Variants in LARP1B observed in about 807,000 individuals in gnomAD.
LARP1B encodes the protein la-related protein 1B.
LARP1B carries 76 observed loss-of-function variants against 114.2 expected under a neutral mutation model. The ratio of observed to expected loss-of-function variants is 0.67; its 90% CI spans 0.55 to 0.81. The LOEUF is 0.81. Among genes scored for constraint, LARP1B ranks in the 30% least tolerant of loss-of-function variants. The pLI is 0.00. For missense variants in LARP1B, 1,014 were observed against 1,075.8 expected, an observed-to-expected ratio of 0.94 and a Z score of 0.80; for synonymous variants, 345 against 348.0, an observed-to-expected ratio of 0.99 and a Z score of 0.10.
intron 11 of LARP1B, 85 bp from the exon 12 acceptor site, chr4:128,162,109 C>A (rs936974473): frequency 3.1e-6 from 4 of 1,286,610 alleles, no homozygotes; most frequent in Non-Finnish European, 3.3e-6. Context: ...TTTAGAAGTT[C>A]ATTTTTTTGA....
intron 1 of LARP1B, among the ~76,000 whole-genome samples, chr4:128,062,473 G>C (rs1760575899): frequency 6.6e-6 from 1 of 152,182 alleles, no homozygotes; most frequent in African/African-American, 2.4e-5. Context: ...GGAGGTGGTA[G>C]CTTGGCGGCG....
chr4:128,120,493 G>C (rs566338515), intron 10 of LARP1B, among the ~76,000 whole-genome samples: 1 of 148,986 alleles, frequency 6.7e-6, no homozygotes, highest in South Asian at 2.1e-4. Flanking sequence ...CTGTCACCCA[G>C]GCTGGAGTAC....
intron 1 of LARP1B, among the ~76,000 whole-genome samples, chr4:128,064,868 C>A (rs1200930297): frequency 2.0e-5 from 3 of 151,998 alleles, no homozygotes; most frequent in Non-Finnish European, 4.4e-5. Flanking sequence ...TGTGAATAGC[C>A]ACTGCATTCT....
intron 11 of LARP1B, among the ~76,000 whole-genome samples, chr4:128,145,858 C>G (rs528571005): frequency 6.6e-6 from 1 of 152,186 alleles, no homozygotes; most frequent in Admixed American, 6.5e-5. Flanking sequence ...TTAGGAGGCA[C>G]AGGCTGGTAT....
intron 1 of LARP1B, chr4:128,062,193 C>T: frequency 3.0e-6 from 3 of 985,450 alleles, no homozygotes; most frequent in Non-Finnish European, 3.6e-6. Context: ...GGTCCGCCAC[C>T]GCCCCCGCTG....
chr4:128,200,713 T>C, intron 17 of LARP1B, 48 bp downstream of exon 17: 3 of 1,329,788 alleles, frequency 2.3e-6, no homozygotes, highest in Non-Finnish European at 3.1e-6. Flanking sequence ...TATTTTCTTC[T>C]TCTTTTTTTC....
chr4:128,122,580 C>T (rs1292988589), intron 11 of LARP1B: 56 of 1,504,362 alleles, frequency 3.7e-5, no homozygotes, highest in Middle Eastern at 1.7e-4. Flanking sequence ...TGGCTCTCAC[C>T]GCAGCTGTAT....
At chr4:128,093,709 CTTTT>C (rs561778078) in intron 7 of LARP1B, among the ~76,000 whole-genome samples, 4 of 122,706 alleles carry the variant, frequency 3.3e-5, no homozygotes, top group Admixed American at 2.6e-4. Flanking sequence ...TTTTTTTAAA[CTTTT>C]TTTTTTTTTT....
chr4:128,173,604 C>T (rs1342572397), intron 12 of LARP1B, among the ~76,000 whole-genome samples: 2 of 152,146 alleles, frequency 1.3e-5, no homozygotes, highest in Non-Finnish European at 2.9e-5. Flanking sequence ...AAATAGTTAG[C>T]ACACCCCTTC....
At chr4:128,131,072 C>T (rs555201479) in intron 11 of LARP1B, among the ~76,000 whole-genome samples, 1 of 152,276 alleles carries the variant, frequency 6.6e-6, no homozygotes, top group Non-Finnish European at 1.5e-5. Flanking sequence ...AGGGCAGTGA[C>T]AGTATTTTCT....
chr4:128,062,213 G>C, intron 1 of LARP1B: 1 of 985,468 alleles, frequency 1.0e-6, no homozygotes, highest in Non-Finnish European at 1.2e-6. Flanking sequence ...GGAAACCCTG[G>C]AGGCAGGTCT....
chr4:128,102,380 A>G (rs998338019), intron 8 of LARP1B, among the ~76,000 whole-genome samples: 23 of 152,234 alleles, frequency 1.5e-4, no homozygotes, highest in African/African-American at 5.1e-4. Context: ...TGGCAAATGT[A>G]GTAAGCTCTA....
intron 11 of LARP1B, among the ~76,000 whole-genome samples, chr4:128,152,236 G>A (rs1387246346): frequency 2.2e-5 from 3 of 137,854 alleles, no homozygotes; most frequent in East Asian, 2.2e-4. Context: ...GTGGACTCTC[G>A]CTCTGTCCCC....
rs911669038 is a variant in LARP1B, at chr4:128,187,771, G to A, written c.2003+8259G>A. 5.9e-5 allele frequency among the ~76,000 whole-genome samples: 9 copies of A among 152,170 alleles called. 1 individual carries two copies. The highest frequency in any genetic ancestry group is 2.2e-4 in the African/African-American group (9 of 41,446). Reference sequence around the variant, plus strand: ...ATGTTCAATTGTAATCCCCAGTATTGGAGGTGGGGCCTGGTGGGAGGTGAT... The same window carrying A: ...ATGTTCAATTGTAATCCCCAGTATTAGAGGTGGGGCCTGGTGGGAGGTGAT... On this transcript the variant is annotated intron_variant, in intron 15 of 19. Transcript: ENST00000326639.
At chr4:128,115,766 G>A (rs992196727) in intron 10 of LARP1B, among the ~76,000 whole-genome samples, 17 of 152,224 alleles carry the variant, frequency 1.1e-4, no homozygotes, top group Middle Eastern at 3.4e-3. Flanking sequence ...AGAGAGTCTT[G>A]TGCCTCAGCC....
intron 11 of LARP1B, among the ~76,000 whole-genome samples, chr4:128,129,929 G>GA (rs1466457961): frequency 6.6e-6 from 1 of 152,140 alleles, no homozygotes; most frequent in African/African-American, 2.4e-5. Context: ...TGATCTAAGA[G>GA]AAAATCTAGA....
chr4:128,184,779 T>C (rs1749741784), intron 15 of LARP1B, among the ~76,000 whole-genome samples: 1 of 152,164 alleles, frequency 6.6e-6, no homozygotes, highest in Admixed American at 6.5e-5. Flanking sequence ...ACTAATCAAC[T>C]CTCTTATCTC....
intron 6 of LARP1B, among the ~76,000 whole-genome samples, chr4:128,219,140 A>T (rs1240946685): frequency 6.6e-6 from 1 of 151,172 alleles, no homozygotes. Context: ...AAAAGTCAGG[A>T]AACAACAGGT....
At chr4:128,171,505 T>TCTTTCAAGCGTGTATTA (rs1243953127) in intron 12 of LARP1B, among the ~76,000 whole-genome samples, 1 of 152,176 alleles carries the variant, frequency 6.6e-6, no homozygotes, top group African/African-American at 2.4e-5. Context: ...TGTTTGATTG[T>TCTTTCAAGCGTGTATTA]CTTTCAAGCG....
Sources: gnomAD v4.1 joint callset for allele counts (sites outside exome capture counted in the v4.1 genomes callset) on GRCh38, gnomAD v4.1.1 for gene constraint, MANE v1.5 for transcripts, NCBI Gene and HGNC (gene_info 2026-07-23, HGNC 2026-07-21) for gene names.